Variants in NELFB observed in about 807,000 individuals in gnomAD.
NELFB encodes the protein negative elongation factor B.
A neutral mutation model predicts 60.2 loss-of-function variants in NELFB; 34 were observed. The observed-to-expected ratio is 0.56, with a 90% confidence interval of 0.43 to 0.75. The LOEUF (loss-of-function observed/expected upper bound fraction) is 0.75, where lower values mean the gene tolerates loss of function less well. Ranked by LOEUF, NELFB falls within the 30% of genes least tolerant of loss-of-function variation. The pLI is 0.00. For missense variants in NELFB, 770 were observed against 831.6 expected, an observed-to-expected ratio of 0.93 and a Z score of 0.91; for synonymous variants, 459 against 382.1, an observed-to-expected ratio of 1.20 and a Z score of -2.35.
chr9:137,255,657 C>A, intron 1 of NELFB, 46 bp downstream of exon 1: 2 of 1,515,266 alleles, frequency 1.3e-6, no homozygotes, highest in Non-Finnish European at 1.8e-6. Context: ...GAGGGCCGGG[C>A]CGCCTGCTCG....
rs1830596700 is a variant in NELFB, at chr9:137,272,583, G to T, written c.1708G>T (p.Ala570Ser). ...CAGGGTGGCCCCGTCTAAGCTGGAG[G>T]CGTTGCAGAAGGCCCTGGAGCCTAC... Residue 570 changes from alanine to serine, a missense_variant, in exon 12 of 13, where the codon GCG becomes TCG. Transcript: ENST00000343053. 2.5e-6 allele frequency: 4 copies of T among 1,608,518 alleles called. No homozygotes were observed. Among genetic ancestry groups the T allele is most frequent in the Non-Finnish European group, 3.4e-6 (4 of 1,178,078 alleles).
In NELFB at chr9:137,262,888, A is replaced by G. The variant is rs1013984796; in HGVS notation, c.742-149A>G. On this transcript the variant is annotated intron_variant, in intron 4 of 12. Transcript: ENST00000343053. The stretch of plus-strand genomic sequence containing the variant: ...ACCTGCTACCATCAGACTGGGGGCC[A>G]ATATTTAATGAGAGGAGGGAATGTT... 1.1e-5 allele frequency: 8 copies of G among 737,620 alleles called. No individual in the cohort carries two copies. The East Asian group carries it at 1.1e-4, about 10-fold the overall frequency. The allele number at this position is 737,620 out of a possible 1,614,324, so 45.7% of individuals were successfully genotyped here.
At chr9:137,264,102 G>T in intron 5 of NELFB, 143 bp from the exon 6 acceptor site, 1 of 634,416 alleles carries the variant, frequency 1.6e-6, no homozygotes, top group Non-Finnish European at 2.8e-6. Flanking sequence ...ACACTGCACC[G>T]TCAGGATGAC....
chr9:137,259,393 A>G (rs1830395617), intron 4 of NELFB, among the ~76,000 whole-genome samples: 1 of 152,160 alleles, frequency 6.6e-6, no homozygotes, highest in Admixed American at 6.5e-5. Context: ...TGGGGGTGGC[A>G]GTGCCACCTC....
In NELFB at chr9:137,267,279, G is replaced by A; in HGVS notation, c.1422G>A (p.Leu474=). ...AGCGCATGGCCTGCGAGGTGGGGCT[G>A]TACTACGTCCTGCACATCACCAAGC... is the stretch of plus-strand genomic sequence containing the variant. Residue 474 remains leucine (L), a synonymous_variant, in exon 10 of 13, where the codon CTG becomes CTA. Coordinates refer to ENST00000343053, the MANE Select transcript of NELFB (RefSeq NM_015456.5). 6.2e-7 allele frequency: 1 copy of A among 1,613,586 alleles called. No individual in the cohort carries two copies. Among genetic ancestry groups the A allele is most frequent in the East Asian group, 2.2e-5 (1 of 44,874 alleles).
rs920985727 is a variant in NELFB at position 137,266,102 on chromosome 9, C to T, written c.1143+123C>T. On this transcript the variant is annotated intron_variant, in intron 7 of 12. Transcript: ENST00000343053. Reference sequence around the variant, plus strand: ...CAGCTGTTGGGGCCCTGTGGCCGCCCTGCTGGCTGCTCTGGTGGTCGGGGA... The same window carrying T: ...CAGCTGTTGGGGCCCTGTGGCCGCCTTGCTGGCTGCTCTGGTGGTCGGGGA... 10 of 826,682 alleles carry T rather than the reference C, an allele frequency of 1.2e-5. No individual in the cohort carries two copies. The African/African-American group carries it at 1.7e-4, about 14-fold the overall frequency. 51.2% of individuals were successfully genotyped at this position (826,682 alleles called of 1,614,324 possible). A position where few individuals can be genotyped will look rare whatever the true frequency, so the allele number is the denominator to read the frequency against.
intron 4 of NELFB, among the ~76,000 whole-genome samples, chr9:137,258,695 T>G (rs373291894): frequency 5.3e-5 from 8 of 152,046 alleles, no homozygotes; most frequent in South Asian, 4.1e-4. Context: ...CCTCAGGTAA[T>G]CCGCCCACCT....
At chr9:137,260,655 G>A (rs1830427851) in intron 4 of NELFB, among the ~76,000 whole-genome samples, 1 of 151,794 alleles carries the variant, frequency 6.6e-6, no homozygotes, top group African/African-American at 2.4e-5. Flanking sequence ...GTTTCACCAT[G>A]TTGGCCAGGC....
intron 10 of NELFB, among the ~76,000 whole-genome samples, chr9:137,270,070 AC>A: frequency 6.6e-6 from 1 of 152,152 alleles, no homozygotes; most frequent in Non-Finnish European, 1.5e-5. Context: ...CCCGGGGTCC[AC>A]GTGGGGTCTG....
chr9:137,270,153 C>T (rs1039177363), intron 10 of NELFB, among the ~76,000 whole-genome samples: 18 of 151,986 alleles, frequency 1.2e-4, no homozygotes, highest in African/African-American at 2.9e-4. Flanking sequence ...AGGCTGCAGA[C>T]GTAGGCATCT....
At chr9:137,259,620 G>A (rs1481780016) in intron 4 of NELFB, among the ~76,000 whole-genome samples, 1 of 151,676 alleles carries the variant, frequency 6.6e-6, no homozygotes, top group East Asian at 1.9e-4. Context: ...GGTCGGCTTA[G>A]TCCTAGGTTG....
In NELFB at chr9:137,267,176, CGGTGTGGGGCT is replaced by C. The variant is rs1405049318; in HGVS notation, c.1383-62_1383-52del. 2,961 of 1,607,206 alleles carry C rather than the reference CGGTGTGGGGCT, an allele frequency of 1.8e-3. 22 individuals carry two copies. The highest frequency in any genetic ancestry group is 0.013 in the South Asian group (1,195 of 90,526). On this transcript the variant is annotated intron_variant, in intron 9 of 12. Transcript: ENST00000343053. ...GGCTGCCTCAGGGCTGGGCAGGGGT[CGGTGTGGGGCT>C]GAGGTGGGGCTGAGGTGGGGCTGAG...
At chr9:137,256,578 C>A in intron 3 of NELFB, 150 bp downstream of exon 3, 1 of 783,366 alleles carries the variant, frequency 1.3e-6, no homozygotes, top group Non-Finnish European at 2.1e-6. Flanking sequence ...GCTGACTTCT[C>A]CCACATGAGC....
Position 137,263,012 on chromosome 9 carries a change from G to A in NELFB, c.742-25G>A, listed in dbSNP as rs770133564. On this transcript the variant is annotated intron_variant, in intron 4 of 12. Coordinates refer to ENST00000343053, the MANE Select transcript of NELFB (RefSeq NM_015456.5). ...CTGGCGGAGCCCAGGACGGTCTGGG[G>A]GCCTGACAGTGCCTCTTGCTGCAGG... 6 of 1,606,246 alleles carry A rather than the reference G, an allele frequency of 3.7e-6. No individual in the cohort carries two copies. The South Asian group carries it at 6.6e-5, about 18-fold the overall frequency.
intron 4 of NELFB, among the ~76,000 whole-genome samples, chr9:137,261,782 G>C (rs1404389770): frequency 2.0e-5 from 3 of 152,096 alleles, no homozygotes; most frequent in African/African-American, 7.2e-5. Context: ...GAAATGAAAA[G>C]ACAGCTGGGC....
rs547420258 is a variant in NELFB, at chr9:137,269,960, T to C, written c.1490-2121T>C. On this transcript the variant is annotated intron_variant, in intron 10 of 12. Transcript: ENST00000343053. The surrounding 1 kb of genome is among the most constrained non-coding windows in gnomAD (Gnocchi z 5.3). Reference sequence around the variant, plus strand: ...AAGAATGGATGTTGATTTTTAGAATTCTCTCCTGTTTATTTTTTAACATTT... The same window carrying C: ...AAGAATGGATGTTGATTTTTAGAATCCTCTCCTGTTTATTTTTTAACATTT... Among the ~76,000 whole-genome samples the C allele has an allele frequency of 3.3e-5, 5 of 152,254 alleles. No homozygotes were observed. The highest frequency in any genetic ancestry group is 1.2e-4 in the African/African-American group (5 of 41,532).
At chr9:137,264,076 C>G (rs1484681726) in intron 5 of NELFB, among the ~76,000 whole-genome samples, 169 bp from the exon 6 acceptor site, 1 of 152,226 alleles carries the variant, frequency 6.6e-6, no homozygotes, top group Non-Finnish European at 1.5e-5. Flanking sequence ...GCTGCTTTGG[C>G]CGGGAGGTGT....
rs1043573710 is a variant in NELFB, at chr9:137,257,176, G to C, written c.741+122G>C. 7.2e-6 allele frequency: 6 copies of C among 835,022 alleles called. No homozygotes were observed. The African/African-American group carries it at 1.0e-4, about 14-fold the overall frequency. The allele number at this position is 835,022 out of a possible 1,614,324, so 51.7% of individuals were successfully genotyped here. A position where few individuals can be genotyped will look rare whatever the true frequency, so the allele number is the denominator to read the frequency against. On this transcript the variant is annotated intron_variant, in intron 4 of 12. Transcript: ENST00000343053. The stretch of plus-strand genomic sequence containing the variant: ...AATGATCGGGTGGTTCTGCTTCTTG[G>C]CTGGGTGGTGGGGGAGGGCTGGCTT...
Position 137,273,057 on chromosome 9 carries a change from C to A in NELFB, c.*129C>A. 2 of 1,058,042 alleles carry A rather than the reference C, an allele frequency of 1.9e-6. No homozygotes were observed. The highest frequency in any genetic ancestry group is 2.6e-6 in the Non-Finnish European group (2 of 767,332). 65.5% of individuals were successfully genotyped at this position (1,058,042 alleles called of 1,614,324 possible). ...GGGGCTATGGCTGGGCCTGTCCTGC[C>A]GTCATGGCCCCCTGCTTCCTGCTCC... On this transcript the variant is annotated 3_prime_UTR_variant, in exon 13 of 13. Transcript: ENST00000343053.
Sources: gnomAD v4.1 joint callset for allele counts (sites outside exome capture counted in the v4.1 genomes callset) on GRCh38, gnomAD v4.1.1 for gene constraint, Gnocchi (gnomAD v3.1) non-coding constraint, MANE v1.5 for transcripts, NCBI Gene and HGNC (gene_info 2026-07-23, HGNC 2026-07-21) for gene names.